The following GALK2 variants were observed in gnomAD, a reference collection of about 807,000 sequenced individuals.
GALK2 encodes the protein N-acetylgalactosamine kinase.
Under a neutral mutation model 52.4 loss-of-function variants are expected in GALK2, and 36 were observed. The ratio of observed to expected loss-of-function variants is 0.69; its 90% CI spans 0.53 to 0.91. The LOEUF is 0.91. GALK2 is among the 40% of genes least tolerant of loss of function. GALK2 has a pLI of 0.00. For missense variants in GALK2, 579 were observed against 559.1 expected, an observed-to-expected ratio of 1.04 and a Z score of -0.36; for synonymous variants, 176 against 199.1, an observed-to-expected ratio of 0.88 and a Z score of 0.98.
downstream of GALK2, chr15:49,335,601 A>G: frequency 1.4e-6 from 1 of 695,226 alleles, no homozygotes. Flanking sequence ...TTCACTTTTC[A>G]GTAATGAAGA....
At chr15:49,346,526 T>C (rs1215781388) in intron 3 of GALK2, among the ~76,000 whole-genome samples, 4 of 152,146 alleles carry the variant, frequency 2.6e-5, no homozygotes, top group African/African-American at 7.2e-5. Flanking sequence ...GCTTTGCCAA[T>C]AAATCTTTTC....
At chr15:49,296,388 G>T (rs2034479425) in intron 8 of GALK2, among the ~76,000 whole-genome samples, 1 of 152,082 alleles carries the variant, frequency 6.6e-6, no homozygotes, top group African/African-American at 2.4e-5. Flanking sequence ...TTTGTTTTCT[G>T]TTCCTGCATT....
intron 1 of GALK2, among the ~76,000 whole-genome samples, chr15:49,160,025 G>A (rs902628119): frequency 6.6e-6 from 1 of 152,126 alleles, no homozygotes; most frequent in African/African-American, 2.4e-5. Flanking sequence ...TGTAAACCCA[G>A]CACTTTGGGA....
At chr15:49,276,560 C>A (rs368184600) in intron 5 of GALK2, among the ~76,000 whole-genome samples, 68 of 152,284 alleles carry the variant, frequency 4.5e-4, no homozygotes, top group African/African-American at 1.5e-3. Flanking sequence ...GATTCAGTGT[C>A]TTTGCAAGTC....
At chr15:49,175,273 G>A (rs2085361186) in intron 1 of GALK2, among the ~76,000 whole-genome samples, 1 of 152,180 alleles carries the variant, frequency 6.6e-6, no homozygotes, top group African/African-American at 2.4e-5. Context: ...TTGTTTATCA[G>A]AAAAGAATGT....
At chr15:49,227,666 T>A (rs897555001) in intron 3 of GALK2, among the ~76,000 whole-genome samples, 1 of 152,100 alleles carries the variant, frequency 6.6e-6, no homozygotes, top group Admixed American at 6.5e-5. Context: ...GGCTTATTCC[T>A]GTCATTTTGT....
intron 3 of GALK2, among the ~76,000 whole-genome samples, chr15:49,338,024 A>G (rs1567097952): frequency 6.6e-6 from 1 of 152,182 alleles, no homozygotes; most frequent in Non-Finnish European, 1.5e-5. Flanking sequence ...ATACCCAGTA[A>G]TGGGATTGCT....
At chr15:49,178,547 C>T (rs901989637) in intron 1 of GALK2, 30 of 264,506 alleles carry the variant, frequency 1.1e-4, no homozygotes, top group Non-Finnish European at 2.0e-4. Flanking sequence ...ATGGTGCACA[C>T]GAATCCTATA....
At chr15:49,192,487 A>ATATATATT (rs55900640) in intron 1 of GALK2, among the ~76,000 whole-genome samples, 1 of 23,898 alleles carries the variant, frequency 4.2e-5, no homozygotes, top group Non-Finnish European at 7.3e-5. Context: ...ATATATATGT[A>ATATATATT]TATATATATA....
At chr15:49,188,562 T>C (rs1285958095) in intron 1 of GALK2, among the ~76,000 whole-genome samples, 1 of 152,244 alleles carries the variant, frequency 6.6e-6, no homozygotes, top group Non-Finnish European at 1.5e-5. Context: ...TCAGTATCTC[T>C]TTCCTTGACA....
chr15:49,178,760 G>C (rs769254802), intron 1 of GALK2: 5 of 214,958 alleles, frequency 2.3e-5, no homozygotes, highest in Non-Finnish European at 4.9e-5. Flanking sequence ...CCTGATGGCT[G>C]TTGCCAGACG....
intron 7 of GALK2, among the ~76,000 whole-genome samples, chr15:49,288,012 G>A (rs1264663360): frequency 6.6e-6 from 1 of 152,120 alleles, no homozygotes; most frequent in African/African-American, 2.4e-5. Context: ...AAAAGTCAGA[G>A]CCTTGTAGAG....
upstream of GALK2, among the ~76,000 whole-genome samples, chr15:49,168,040 C>G (rs1478010813): frequency 6.6e-6 from 1 of 152,192 alleles, no homozygotes; most frequent in African/African-American, 2.4e-5. Flanking sequence ...AGTATGGCCT[C>G]TAGGCTAGGA....
chr15:49,226,212 T>C (rs555244399), intron 3 of GALK2, among the ~76,000 whole-genome samples: 1 of 152,250 alleles, frequency 6.6e-6, no homozygotes, highest in East Asian at 1.9e-4. Context: ...CTTGCCAGTT[T>C]AAATGTTTAT....
At chr15:49,283,831 C>T (rs1261699527) in intron 7 of GALK2, 113 bp downstream of exon 7, 1 of 1,014,600 alleles carries the variant, frequency 9.9e-7, no homozygotes, top group Non-Finnish European at 1.5e-6. Context: ...ATTCTGACTG[C>T]ACAGCATTCC....
In GALK2 at chr15:49,239,825, G is replaced by A. The variant is rs1378427909; in HGVS notation, c.504+458G>A. Among the ~76,000 whole-genome samples, 45 of 152,170 alleles carry A rather than the reference G, an allele frequency of 3.0e-4. 1 individual carries two copies. The highest frequency in any genetic ancestry group is 2.9e-3 in the Admixed American group (45 of 15,280). On this transcript the variant is annotated intron_variant, in intron 5 of 9. Coordinates refer to ENST00000560031, the MANE Select transcript of GALK2 (RefSeq NM_002044.4). ...TAAACTTTAAAATATTGCATTACAA[G>A]ACGAAATGCTTATTTAAAGGAAATA...
intron 2 of GALK2, among the ~76,000 whole-genome samples, chr15:49,207,024 T>G (rs780706494): frequency 6.6e-6 from 1 of 152,178 alleles, no homozygotes; most frequent in African/African-American, 2.4e-5. Flanking sequence ...TTATGTCAAT[T>G]TTGCTGAGAG....
At chr15:49,337,839 GT>G (rs1442055241) in intron 3 of GALK2, among the ~76,000 whole-genome samples, 1 of 151,992 alleles carries the variant, frequency 6.6e-6, no homozygotes, top group Non-Finnish European at 1.5e-5. Flanking sequence ...TCCCTGCAAT[GT>G]TTTTTATGGC....
intron 1 of GALK2, among the ~76,000 whole-genome samples, chr15:49,196,192 A>T (rs1337220939): frequency 6.6e-6 from 1 of 151,598 alleles, no homozygotes; most frequent in Non-Finnish European, 1.5e-5. Flanking sequence ...CTTTTTGTTT[A>T]TTTTCTAGCT....
Sources: allele counts gnomAD v4.1 joint callset (sites outside exome capture counted in the v4.1 genomes callset), GRCh38; gene constraint gnomAD v4.1.1; transcripts MANE v1.5; gene names NCBI Gene and HGNC (gene_info 2026-07-23, HGNC 2026-07-21).